Variants in CDH3 observed in about 807,000 individuals in gnomAD.
The protein encoded by CDH3 is cadherin-3.
A neutral mutation model predicts 82.0 loss-of-function variants in CDH3; 54 were observed. The observed-to-expected ratio is 0.66, with a 90% CI of 0.53 to 0.83. The LOEUF (loss-of-function observed/expected upper bound fraction) is 0.83, where lower values mean the gene tolerates loss of function less well. Among genes scored for constraint, CDH3 ranks in the 40% least tolerant of loss-of-function variants. CDH3 has a pLI of 0.00. For synonymous variants in CDH3, 446 were observed against 437.9 expected (o/e 1.02, Z -0.23); for missense variants, 1,054 against 1,084.6 (o/e 0.97, Z 0.40).
Position 68,678,291 on chromosome 16 carries a change from T to A in CDH3, c.390+14T>A. 6.2e-7 allele frequency: 1 copy of A among 1,614,074 alleles called. No homozygotes were observed. Among genetic ancestry groups the A allele is most frequent in the Non-Finnish European group, 8.5e-7 (1 of 1,179,918 alleles). On this transcript the variant is annotated intron_variant, in intron 4 of 15. Transcript: ENST00000264012. ...AGACTGAATCAGGTACGACTGTGCC[T>A]TCTCCTGGGAAGCATTGGTGGCTCC...
intron 11 of CDH3, among the ~76,000 whole-genome samples, chr16:68,685,762 G>A (rs769251716): frequency 3.3e-5 from 5 of 152,180 alleles, no homozygotes; most frequent in African/African-American, 7.2e-5. Context: ...AGCCAAGATC[G>A]TGCCACTGCA....
At position 68,720,693 on chromosome 16, in the gene CDH3, G is replaced by A. The variant is rs1290683024; in HGVS notation, c.100-1732G>A. Among the ~76,000 whole-genome samples the A allele has an allele frequency of 4.7e-5, 7 of 150,376 alleles. No homozygotes were observed. In the East Asian group the frequency reaches 1.4e-3, roughly 29 times the overall value. On this transcript the variant is annotated intron_variant, in intron 1 of 2. Transcript: ENST00000569080. Reference sequence around the variant, plus strand: ...TGCAGTGGCACGATCTCAGTTCACTGCAACATCTGCCTCCCAGGCTCAAGC... The same window carrying A: ...TGCAGTGGCACGATCTCAGTTCACTACAACATCTGCCTCCCAGGCTCAAGC...
At chr16:68,672,714 C>T (rs1057015950) in intron 2 of CDH3, among the ~76,000 whole-genome samples, 1 of 152,156 alleles carries the variant, frequency 6.6e-6, no homozygotes, top group Non-Finnish European at 1.5e-5. Context: ...GGTTCCTAAG[C>T]GATCTTCTCT....
intron 2 of CDH3, among the ~76,000 whole-genome samples, chr16:68,668,376 G>A (rs1960794756): frequency 6.6e-6 from 1 of 152,178 alleles, no homozygotes; most frequent in Non-Finnish European, 1.5e-5. Flanking sequence ...TGGGGTAAAG[G>A]AGGGATGAGT....
intron 1 of CDH3, among the ~76,000 whole-genome samples, chr16:68,717,798 G>A (rs1009644234): frequency 4.6e-5 from 7 of 151,256 alleles, no homozygotes; most frequent in African/African-American, 1.7e-4. Flanking sequence ...AAAGAAAGAT[G>A]TGATTAGGTC....
intron 2 of CDH3, among the ~76,000 whole-genome samples, chr16:68,652,638 C>A (rs188141730): frequency 2.0e-5 from 3 of 152,158 alleles, no homozygotes; most frequent in South Asian, 2.1e-4. Context: ...CGATGAACAT[C>A]GCAAACTTAA....
intron 2 of CDH3, among the ~76,000 whole-genome samples, chr16:68,672,294 A>G (rs1466272103): frequency 2.7e-5 from 4 of 150,372 alleles, no homozygotes; most frequent in African/African-American, 9.8e-5. Flanking sequence ...TTCTGTGCAT[A>G]GTTACATGTA....
At chr16:68,702,126 G>A (rs956649637), downstream of CDH3, among the ~76,000 whole-genome samples, 4 of 151,930 alleles carry the variant, frequency 2.6e-5, no homozygotes, top group Admixed American at 6.6e-5. Context: ...TGACCTCGAC[G>A]AGTGATCTGC....
At chr16:68,645,887 C>CG in intron 2 of CDH3, 137 bp downstream of exon 2, 1 of 672,998 alleles carries the variant, frequency 1.5e-6, no homozygotes. Context: ...GAACGCGCCT[C>CG]GGGGGCTGGG....
intron 2 of CDH3, among the ~76,000 whole-genome samples, chr16:68,655,619 G>A (rs1171598707): frequency 1.3e-5 from 2 of 152,186 alleles, no homozygotes; most frequent in South Asian, 2.1e-4. Flanking sequence ...CGAGGCAGGC[G>A]GATCACTTGA....
intron 1 of CDH3, among the ~76,000 whole-genome samples, chr16:68,716,438 T>C (rs763159839): frequency 4.0e-5 from 6 of 151,248 alleles, no homozygotes; most frequent in Non-Finnish European, 7.4e-5. Flanking sequence ...CTGGGCAACA[T>C]ATCGAGACCC....
At chr16:68,672,220 T>G (rs965327148) in intron 2 of CDH3, among the ~76,000 whole-genome samples, 4 of 139,162 alleles carry the variant, frequency 2.9e-5, no homozygotes, top group Admixed American at 7.2e-5. Context: ...AAATAAAAAA[T>G]AAAAAAAAAA....
intron 2 of CDH3, 71 bp from the exon 3 acceptor site, chr16:68,676,314 G>GT (rs780496426): frequency 6.5e-6 from 7 of 1,083,122 alleles, no homozygotes; most frequent in Non-Finnish European, 1.0e-5. Context: ...ACTCTTGTCA[G>GT]TCTTGTTTTC....
intron 13 of CDH3, among the ~76,000 whole-genome samples, chr16:68,692,177 C>T (rs1490863803): frequency 6.6e-6 from 1 of 152,198 alleles, no homozygotes; most frequent in African/African-American, 2.4e-5. Flanking sequence ...CCTGGGACTA[C>T]AGGTGTGGGC....
At chr16:68,723,664 C>T (rs1196592514) in intron 2 of CDH3, among the ~76,000 whole-genome samples, 1 of 152,224 alleles carries the variant, frequency 6.6e-6, no homozygotes, top group Non-Finnish European at 1.5e-5. Context: ...GACACGGTGG[C>T]TCACGCCTGT....
At chr16:68,724,761 C>T (rs1400828270) in intron 2 of CDH3, among the ~76,000 whole-genome samples, 1 of 152,100 alleles carries the variant, frequency 6.6e-6, no homozygotes, top group Non-Finnish European at 1.5e-5. Flanking sequence ...GGGAATTAAT[C>T]TATATGGATG....
chr16:68,701,948 C>T (rs1208007343), downstream of CDH3, among the ~76,000 whole-genome samples: 3 of 151,864 alleles, frequency 2.0e-5, no homozygotes, highest in African/African-American at 4.8e-5. Context: ...CACTTGAACC[C>T]GGGAGGCGGA....
At chr16:68,686,002 C>CA (rs1422627985) in intron 11 of CDH3, among the ~76,000 whole-genome samples, 1 of 152,014 alleles carries the variant, frequency 6.6e-6, no homozygotes, top group Non-Finnish European at 1.5e-5. Context: ...CCTGTCTCTA[C>CA]AAAAAATGAA....
rs1037311544 is a variant in CDH3, at chr16:68,698,101, A to G, written c.2281-90A>G. On this transcript the variant is annotated intron_variant, in intron 15 of 15. Transcript: ENST00000264012. ...ACCTCCAAAACCTTTAGGGGAGGGG[A>G]GAGAGGGGCTCACAGAGAGGAAATG... The G allele has an allele frequency of 2.3e-5, 26 of 1,135,904 alleles. 1 individual carries two copies. The highest frequency in any genetic ancestry group is 1.1e-4 in the South Asian group (9 of 80,350). The allele number at this position is 1,135,904 out of a possible 1,614,324, so 70.4% of individuals were successfully genotyped here.
Sources: allele counts gnomAD v4.1 joint callset (sites outside exome capture counted in the v4.1 genomes callset), GRCh38; gene constraint gnomAD v4.1.1; transcripts MANE v1.5; gene names NCBI Gene and HGNC (gene_info 2026-07-23, HGNC 2026-07-21).